Variants in MARCHF1 observed in about 807,000 individuals in gnomAD.
MARCHF1 encodes membrane associated ring-CH-type finger 1.
In MARCHF1, 40 loss-of-function variants were observed where a neutral mutation model predicts 54.2. That is an observed-to-expected ratio of 0.74 (90% CI 0.57 to 0.96). MARCHF1 has a LOEUF of 0.96. Ranked by LOEUF, MARCHF1 falls within the 40% of genes least tolerant of loss-of-function variation. The pLI is 0.00. For synonymous variants in MARCHF1, 236 were observed against 236.3 expected, an observed-to-expected ratio of 1.00 and a Z score of 0.01; for missense variants, 586 against 656.5, an observed-to-expected ratio of 0.89 and a Z score of 1.17.
chr4:164,307,326 T>C (rs756770144), intron 1 of MARCHF1, among the ~76,000 whole-genome samples: 3 of 152,238 alleles, frequency 2.0e-5, no homozygotes, highest in Non-Finnish European at 1.5e-5. Context: ...AGCCAAATCA[T>C]TTCTGATGCA....
At chr4:163,725,745 T>G (rs1745633118) in intron 4 of MARCHF1, among the ~76,000 whole-genome samples, 1 of 152,180 alleles carries the variant, frequency 6.6e-6, no homozygotes, top group African/African-American at 2.4e-5. Context: ...GTCAATTAGC[T>G]CTGCAATCTT....
intron 7 of MARCHF1, among the ~76,000 whole-genome samples, chr4:163,594,973 A>G (rs1296758808): frequency 6.6e-6 from 1 of 152,156 alleles, no homozygotes; most frequent in East Asian, 1.9e-4. Context: ...TGAAATCAGG[A>G]CCTCAGATAG....
intron 4 of MARCHF1, among the ~76,000 whole-genome samples, chr4:163,839,604 G>C (rs1749282602): frequency 6.6e-6 from 1 of 152,020 alleles, no homozygotes; most frequent in African/African-American, 2.4e-5. Flanking sequence ...AGTCACAAAA[G>C]ACTACATATT....
At chr4:163,943,352 G>A (rs142159295) in intron 3 of MARCHF1, among the ~76,000 whole-genome samples, 131 of 152,194 alleles carry the variant, frequency 8.6e-4, no homozygotes, top group African/African-American at 2.9e-3. Context: ...TCTATCTTGA[G>A]TTGATTTTTG....
At chr4:164,195,064 G>A (rs1731218144) in intron 1 of MARCHF1, among the ~76,000 whole-genome samples, 1 of 151,666 alleles carries the variant, frequency 6.6e-6, no homozygotes, top group African/African-American at 2.4e-5. Context: ...AACATGTGAT[G>A]TGTTTAGTTT....
At chr4:164,031,680 C>G (rs893565360) in intron 2 of MARCHF1, among the ~76,000 whole-genome samples, 3 of 152,110 alleles carry the variant, frequency 2.0e-5, no homozygotes, top group Non-Finnish European at 4.4e-5. Context: ...AGAGATGAAG[C>G]CAACTTGATT....
chr4:164,111,710 A>G (rs1266628893), intron 1 of MARCHF1, 48 bp from the exon 2 acceptor site: 1 of 151,760 alleles, frequency 6.6e-6, no homozygotes, highest in Non-Finnish European at 1.5e-5. Context: ...AAAAATGACC[A>G]TAAGGAAACT....
intron 2 of MARCHF1, among the ~76,000 whole-genome samples, chr4:164,078,995 G>A (rs1482893128): frequency 6.6e-6 from 1 of 151,752 alleles, no homozygotes; most frequent in Admixed American, 6.6e-5. Flanking sequence ...TAACAATCAC[G>A]GATGGTAAAG....
chr4:163,643,138 C>T (rs970833759), intron 5 of MARCHF1, among the ~76,000 whole-genome samples: 2 of 143,324 alleles, frequency 1.4e-5, no homozygotes, highest in African/African-American at 5.2e-5. Context: ...CATGGTAAAA[C>T]CCTGTATCTA....
intron 2 of MARCHF1, among the ~76,000 whole-genome samples, chr4:163,998,876 C>T (rs966080339): frequency 5.9e-5 from 9 of 151,706 alleles, no homozygotes; most frequent in African/African-American, 1.7e-4. Context: ...TAGGTTGATT[C>T]TATATCTTAA....
At chr4:164,300,021 A>C (rs536176832) in intron 1 of MARCHF1, among the ~76,000 whole-genome samples, 1 of 152,300 alleles carries the variant, frequency 6.6e-6, no homozygotes, top group South Asian at 2.1e-4. Context: ...AACAAATATA[A>C]ACCCCACAAA....
chr4:164,230,128 C>T (rs141908909), intron 1 of MARCHF1, among the ~76,000 whole-genome samples: 179 of 152,190 alleles, frequency 1.2e-3, no homozygotes, highest in African/African-American at 4.1e-3. Context: ...GGGCACGGTG[C>T]CTCATGCCTG....
intron 4 of MARCHF1, among the ~76,000 whole-genome samples, chr4:163,722,068 C>T (rs1462973404): frequency 1.3e-5 from 2 of 152,032 alleles, no homozygotes. Flanking sequence ...TTGCCTTCTG[C>T]TAGCTTTTGA....
intron 2 of MARCHF1, among the ~76,000 whole-genome samples, chr4:164,094,493 G>C (rs1289401381): frequency 6.6e-6 from 1 of 152,084 alleles, no homozygotes; most frequent in African/African-American, 2.4e-5. Flanking sequence ...AGTGGCCATG[G>C]ACCTGCCTCC....
At chr4:163,957,380 C>A (rs1160969419) in intron 3 of MARCHF1, among the ~76,000 whole-genome samples, 1 of 151,956 alleles carries the variant, frequency 6.6e-6, no homozygotes, top group Non-Finnish European at 1.5e-5. Context: ...TAGTAAATGG[C>A]CTTGTGTTGC....
chr4:164,080,387 T>G (rs564542272), intron 2 of MARCHF1, among the ~76,000 whole-genome samples: 75 of 152,334 alleles, frequency 4.9e-4, no homozygotes, highest in African/African-American at 1.7e-3. Context: ...TAGTTATACA[T>G]TAATAGATCT....
chr4:163,722,845 A>G (rs879900747), intron 4 of MARCHF1, among the ~76,000 whole-genome samples: 10 of 151,938 alleles, frequency 6.6e-5, no homozygotes, highest in Admixed American at 3.9e-4. Flanking sequence ...TAGGATTGCA[A>G]CCCCTGCCTT....
At chr4:163,850,979 C>A (rs1483897207) in intron 4 of MARCHF1, among the ~76,000 whole-genome samples, 1 of 152,076 alleles carries the variant, frequency 6.6e-6, no homozygotes, top group Non-Finnish European at 1.5e-5. Flanking sequence ...AGGCATTGAA[C>A]AACAAAGGTC....
intron 1 of MARCHF1, among the ~76,000 whole-genome samples, chr4:164,290,188 T>C (rs546468860): frequency 1.6e-4 from 25 of 152,126 alleles, no homozygotes; most frequent in African/African-American, 5.8e-4. Flanking sequence ...TGTATCTTAT[T>C]CATCTTGTAT....
Sources: allele counts gnomAD v4.1 joint callset (sites outside exome capture counted in the v4.1 genomes callset), GRCh38; gene constraint gnomAD v4.1.1; transcripts MANE v1.5; gene names NCBI Gene and HGNC (gene_info 2026-07-23, HGNC 2026-07-21).